The following NCAM2 variants were observed in gnomAD, a reference collection of about 807,000 sequenced individuals.
The protein encoded by NCAM2 is N-CAM-2.
Under a neutral mutation model 98.1 loss-of-function variants are expected in NCAM2, and 30 were observed. That is an observed-to-expected ratio of 0.31 (90% CI 0.23 to 0.41). NCAM2 has a LOEUF of 0.41. Among genes scored for constraint, NCAM2 ranks in the 10% least tolerant of loss-of-function variants. The pLI is 1.00. For missense variants in NCAM2, 867 were observed against 1,005.8 expected, an observed-to-expected ratio of 0.86 and a Z score of 1.87; for synonymous variants, 368 against 342.4, an observed-to-expected ratio of 1.07 and a Z score of -0.83.
intron 11 of NCAM2, among the ~76,000 whole-genome samples, chr21:21,429,043 C>T (rs2077273340): frequency 1.3e-5 from 2 of 151,402 alleles, no homozygotes; most frequent in South Asian, 4.2e-4. Context: ...CTTATAAAAC[C>T]AAAATGTAAA....
At chr21:21,135,492 C>T (rs922601413) in intron 1 of NCAM2, among the ~76,000 whole-genome samples, 1 of 152,146 alleles carries the variant, frequency 6.6e-6, no homozygotes, top group Non-Finnish European at 1.5e-5. Flanking sequence ...ACTGAAGTTA[C>T]TTAACAGTGA....
intron 1 of NCAM2, among the ~76,000 whole-genome samples, chr21:21,247,269 A>C (rs1041679130): frequency 1.3e-5 from 2 of 152,136 alleles, no homozygotes; most frequent in African/African-American, 4.8e-5. Flanking sequence ...CAGTGAGTCG[A>C]GATCTCGCCA....
chr21:21,084,426 A>G (rs1177072272), intron 1 of NCAM2, among the ~76,000 whole-genome samples: 1 of 152,184 alleles, frequency 6.6e-6, no homozygotes, highest in Admixed American at 6.5e-5. Flanking sequence ...TTGTTCTTTT[A>G]TAACCACACT....
Position 21,040,425 on chromosome 21 carries a change from T to A in NCAM2, c.55+41807T>A, listed in dbSNP as rs1247911252. ...TTTAGATATATGAATATATATATCT[T>A]TTCCAGTCTTACTGTACTGGTTTGC... On this transcript the variant is annotated intron_variant, in intron 1 of 17. Transcript: ENST00000400546. Among the ~76,000 whole-genome samples, 4 of 152,094 alleles carry A rather than the reference T, an allele frequency of 2.6e-5. No homozygotes were observed. In the East Asian group the frequency reaches 5.8e-4, roughly 22 times the overall value.
At chr21:21,028,909 G>A (rs1051117321) in intron 1 of NCAM2, among the ~76,000 whole-genome samples, 1 of 152,090 alleles carries the variant, frequency 6.6e-6, no homozygotes, top group African/African-American at 2.4e-5. Context: ...TATCATCATA[G>A]GTATGTAATC....
intron 16 of NCAM2, among the ~76,000 whole-genome samples, chr21:21,526,345 G>T (rs1989323492): frequency 6.6e-6 from 1 of 151,890 alleles, no homozygotes; most frequent in Non-Finnish European, 1.5e-5. Context: ...ATAAACAAGT[G>T]AAATTTGAAG....
intron 1 of NCAM2, among the ~76,000 whole-genome samples, chr21:21,210,987 C>T (rs1333702732): frequency 1.4e-5 from 2 of 145,464 alleles, no homozygotes; most frequent in African/African-American, 2.6e-5. Flanking sequence ...CACACACACA[C>T]ACACACACAC....
intron 11 of NCAM2, among the ~76,000 whole-genome samples, chr21:21,421,591 A>G (rs2077112252): frequency 6.6e-6 from 1 of 152,198 alleles, no homozygotes. Context: ...CTTATTTAAT[A>G]CTAATATTTG....
chr21:21,355,130 C>G (rs2075435939), intron 8 of NCAM2, among the ~76,000 whole-genome samples: 1 of 152,024 alleles, frequency 6.6e-6, no homozygotes, highest in Non-Finnish European at 1.5e-5. Context: ...TGTATTAAAA[C>G]TGAAATTTAA....
intron 9 of NCAM2, among the ~76,000 whole-genome samples, chr21:21,410,002 G>A (rs968555668): frequency 3.3e-5 from 5 of 151,884 alleles, no homozygotes; most frequent in East Asian, 1.9e-4. Context: ...GCTTGGTGGC[G>A]GGCACCTGTA....
At chr21:21,499,895 A>C (rs1987514864) in intron 15 of NCAM2, among the ~76,000 whole-genome samples, 1 of 152,154 alleles carries the variant, frequency 6.6e-6, no homozygotes, top group Non-Finnish European at 1.5e-5. Flanking sequence ...ATGGGTGAAA[A>C]ATATAATTCA....
chr21:21,446,102 G>C (rs1280289537), intron 12 of NCAM2, among the ~76,000 whole-genome samples: 1 of 151,938 alleles, frequency 6.6e-6, no homozygotes, highest in East Asian at 1.9e-4. Flanking sequence ...GCTTAGTTTG[G>C]CCGGGTATGA....
chr21:21,279,501 G>A (rs1279593954), intron 1 of NCAM2, among the ~76,000 whole-genome samples: 2 of 152,122 alleles, frequency 1.3e-5, no homozygotes, highest in Admixed American at 6.6e-5. Flanking sequence ...TGGGATTACA[G>A]GCTTCTGCCA....
intron 1 of NCAM2, among the ~76,000 whole-genome samples, chr21:21,006,697 T>C (rs1186844359): frequency 6.6e-6 from 1 of 152,178 alleles, no homozygotes; most frequent in Non-Finnish European, 1.5e-5. Flanking sequence ...ACTTAGTGGC[T>C]TTAAGAACAT....
chr21:21,541,485 CAAT>C lies in NCAM2; in HGVS notation c.*3531_*3533del, dbSNP rs1990230284. The C allele has an allele frequency of 6.6e-6, 1 of 151,480 alleles. No homozygotes were observed. Among genetic ancestry groups the C allele is most frequent in the Non-Finnish European group, 1.5e-5 (1 of 67,702 alleles). 9.4% of individuals were successfully genotyped at this position (151,480 alleles called of 1,614,324 possible). A position where few individuals can be genotyped will look rare whatever the true frequency, so the allele number is the denominator to read the frequency against. ...ATCTGTTCTGTATTGTTTTTCTAAA[CAAT>C]AAATACATTCTAGATATTGTTGAAA... On this transcript the variant is annotated 3_prime_UTR_variant, in exon 18 of 18. Transcript: ENST00000400546.
At chr21:21,001,046 A>AT (rs1241440080) in intron 1 of NCAM2, among the ~76,000 whole-genome samples, 9 of 152,136 alleles carry the variant, frequency 5.9e-5, no homozygotes, top group African/African-American at 2.2e-4. Context: ...CTTGCAGGGG[A>AT]TTTTATGAAG....
intron 6 of NCAM2, among the ~76,000 whole-genome samples, chr21:21,326,830 G>A (rs144921808): frequency 6.7e-6 from 1 of 149,722 alleles, no homozygotes; most frequent in African/African-American, 2.5e-5. Context: ...TAACGTTAAC[G>A]AAGGTAAAAT....
At chr21:21,058,164 A>C (rs989736563) in intron 1 of NCAM2, among the ~76,000 whole-genome samples, 7 of 120,864 alleles carry the variant, frequency 5.8e-5, no homozygotes, top group Non-Finnish European at 1.1e-4. Context: ...AAAAAAAAAA[A>C]ACCCAAAAAA....
At chr21:21,374,413 C>G (rs2075987718) in intron 9 of NCAM2, among the ~76,000 whole-genome samples, 1 of 151,642 alleles carries the variant, frequency 6.6e-6, no homozygotes, top group African/African-American at 2.4e-5. Context: ...TTTTGTTAGG[C>G]TATTTTACAT....
Sources: allele counts gnomAD v4.1 joint callset (sites outside exome capture counted in the v4.1 genomes callset), GRCh38; gene constraint gnomAD v4.1.1; transcripts MANE v1.5; gene names NCBI Gene and HGNC (gene_info 2026-07-23, HGNC 2026-07-21).